The following FANCC variants were observed in gnomAD, a reference collection of about 807,000 sequenced individuals.
FANCC encodes the protein Fanconi anemia group C protein.
FANCC carries 55 observed loss-of-function variants against 71.3 expected under a neutral mutation model. The observed-to-expected ratio is 0.77, with a 90% CI of 0.62 to 0.97. The LOEUF (loss-of-function observed/expected upper bound fraction) is 0.97. FANCC is among the 50% of genes least tolerant of loss of function. The pLI, the probability that FANCC is intolerant of heterozygous loss-of-function variation, is 0.00. For missense variants in FANCC, 678 were observed against 670.9 expected, an observed-to-expected ratio of 1.01 and a Z score of -0.12; for synonymous variants, 275 against 244.9, an observed-to-expected ratio of 1.12 and a Z score of -1.15.
At chr9:95,213,881 A>C (rs1003764389) in intron 4 of FANCC, among the ~76,000 whole-genome samples, 3 of 152,234 alleles carry the variant, frequency 2.0e-5, no homozygotes, top group African/African-American at 7.2e-5. Context: ...AATGGGAGAA[A>C]ATATTTGCAA....
chr9:95,139,580 G>A (rs1828275593), intron 7 of FANCC, among the ~76,000 whole-genome samples: 1 of 152,042 alleles, frequency 6.6e-6, no homozygotes, highest in South Asian at 2.1e-4. Flanking sequence ...TTTCAAATGA[G>A]CTGGATCTGT....
intron 1 of FANCC, among the ~76,000 whole-genome samples, chr9:95,291,967 A>AATATATATATATATATATATATATAT (rs34066396): frequency 2.0e-5 from 1 of 50,412 alleles, no homozygotes; most frequent in Non-Finnish European, 3.4e-5. Context: ...AAAAAAAAAA[A>AATATATATATATATATATATATATAT]ATATATATAT....
chr9:95,226,694 C>T (rs1829641304), intron 4 of FANCC, among the ~76,000 whole-genome samples: 1 of 152,220 alleles, frequency 6.6e-6, no homozygotes, highest in Admixed American at 6.5e-5. Flanking sequence ...TGCCCGGGTT[C>T]CCAGAGAAGA....
intron 1 of FANCC, among the ~76,000 whole-genome samples, chr9:95,303,639 A>G (rs2136377963): frequency 6.6e-6 from 1 of 152,328 alleles, no homozygotes; most frequent in Non-Finnish European, 1.5e-5. Context: ...GTGTCCTCAC[A>G]TGACCTCTTC....
rs4647485 is a variant in FANCC, at chr9:95,184,712, G to T, written c.346-12565C>A. ...CCAAAATTCACATGGAGAAGCAAGG[G>T]GCCAAGAACAGCACATGCTAAGGGA... On this transcript the variant is annotated intron_variant, in intron 4 of 14. Transcript: ENST00000289081. 3.3e-3 allele frequency among the ~76,000 whole-genome samples: 507 copies of T among 152,220 alleles called. 9 individuals carry two copies. The East Asian group carries it at 0.044, about 13-fold the overall frequency.
intron 1 of FANCC, among the ~76,000 whole-genome samples, chr9:95,252,290 A>AG (rs1409712985): frequency 8.7e-5 from 13 of 149,302 alleles, no homozygotes; most frequent in Middle Eastern, 3.2e-3. Context: ...AAAAAAAAAA[A>AG]AAAAGAAAAA....
At position 95,254,227 on chromosome 9, in the gene FANCC, G is replaced by C. The variant is rs142845800; in HGVS notation, c.-78-4858C>G. Reference sequence around the variant, plus strand: ...ACCAAAGTATAAATCGTATTTATATGCTTTTCAATATGTTACTTTCTACAA... The same window carrying C: ...ACCAAAGTATAAATCGTATTTATATCCTTTTCAATATGTTACTTTCTACAA... On this transcript the variant is annotated intron_variant, in intron 1 of 14. Transcript: ENST00000289081. Among the ~76,000 whole-genome samples, 3 of 152,226 alleles carry C rather than the reference G, an allele frequency of 2.0e-5. No homozygotes were observed. In the South Asian group the frequency reaches 6.2e-4, roughly 32 times the overall value.
chr9:95,149,335 A>T (rs902074998), intron 7 of FANCC, among the ~76,000 whole-genome samples: 4 of 152,150 alleles, frequency 2.6e-5, no homozygotes, highest in African/African-American at 9.7e-5. Context: ...ACTACTGGGG[A>T]CTGAGCTTAA....
At chr9:95,138,910 G>C (rs1244033070) in intron 7 of FANCC, among the ~76,000 whole-genome samples, 1 of 152,214 alleles carries the variant, frequency 6.6e-6, no homozygotes, top group African/African-American at 2.4e-5. Flanking sequence ...CTTTTTATTA[G>C]AGCCTTGATT....
At chr9:95,147,475 C>T (rs1829720470) in intron 7 of FANCC, among the ~76,000 whole-genome samples, 1 of 152,130 alleles carries the variant, frequency 6.6e-6, no homozygotes, top group Non-Finnish European at 1.5e-5. Flanking sequence ...GAGATTGCAC[C>T]ACTGTACTCC....
At chr9:95,317,063 G>C (rs1444604482) in intron 1 of FANCC, 1 of 152,512 alleles carries the variant, frequency 6.6e-6, no homozygotes, top group Non-Finnish European at 1.5e-5. Context: ...GCCAGCTGTA[G>C]AGGGCGACCG....
intron 1 of FANCC, among the ~76,000 whole-genome samples, chr9:95,278,343 G>A (rs974724388): frequency 6.6e-6 from 1 of 152,178 alleles, no homozygotes; most frequent in Non-Finnish European, 1.5e-5. Flanking sequence ...GTCAGTAGAA[G>A]CCATACTCCA....
At chr9:95,315,370 C>T (rs1286245724) in intron 1 of FANCC, among the ~76,000 whole-genome samples, 5 of 152,198 alleles carry the variant, frequency 3.3e-5, no homozygotes, top group Non-Finnish European at 7.4e-5. Flanking sequence ...GACCACAGCC[C>T]CGCATCACTA....
At chr9:95,274,187 CT>C (rs766300028) in intron 1 of FANCC, among the ~76,000 whole-genome samples, 1 of 151,614 alleles carries the variant, frequency 6.6e-6, no homozygotes. Flanking sequence ...CCCTCACCCC[CT>C]GACAGACCCT....
chr9:95,168,596 T>C (rs530451661), intron 6 of FANCC, among the ~76,000 whole-genome samples: 1 of 152,352 alleles, frequency 6.6e-6, no homozygotes, highest in South Asian at 2.1e-4. Flanking sequence ...AGTGATGCAA[T>C]ATCAGCTCAC....
intron 4 of FANCC, among the ~76,000 whole-genome samples, chr9:95,236,132 T>C (rs879277683): frequency 3.3e-5 from 5 of 152,222 alleles, no homozygotes; most frequent in Non-Finnish European, 7.3e-5. Context: ...TTGATCTCTG[T>C]TCCTGGTACC....
At chr9:95,184,144 A>G (rs1161904487) in intron 4 of FANCC, among the ~76,000 whole-genome samples, 1 of 152,110 alleles carries the variant, frequency 6.6e-6, no homozygotes, top group Non-Finnish European at 1.5e-5. Flanking sequence ...AACATTAAAA[A>G]AATTTAATGT....
Position 95,202,373 on chromosome 9 carries a change from G to C in FANCC, c.346-30226C>G, listed in dbSNP as rs988582360. Among the ~76,000 whole-genome samples the C allele has an allele frequency of 9.9e-5, 15 of 151,806 alleles. No individual in the cohort carries two copies. The South Asian group carries it at 2.3e-3, about 23-fold the overall frequency. On this transcript the variant is annotated intron_variant, in intron 4 of 14. Coordinates refer to ENST00000289081, the MANE Select transcript of FANCC (RefSeq NM_000136.3). ...GAGGCAGCAGAACTGGGCTTAACAG[G>C]GGGCAGGACTGCCTCTAGAAAGAGC...
chr9:95,209,312 T>C (rs756315291), intron 4 of FANCC, among the ~76,000 whole-genome samples: 5 of 152,182 alleles, frequency 3.3e-5, no homozygotes, highest in Non-Finnish European at 5.9e-5. Flanking sequence ...ATATGTGTCA[T>C]TGCACATTTG....
Sources: allele counts gnomAD v4.1 joint callset (sites outside exome capture counted in the v4.1 genomes callset), GRCh38; gene constraint gnomAD v4.1.1; transcripts MANE v1.5; gene names NCBI Gene and HGNC (gene_info 2026-07-23, HGNC 2026-07-21).